USP14: variants seen among roughly 807,000 people sequenced by gnomAD.
The protein encoded by USP14 is ubiquitin specific peptidase 14, also known as ubiquitin carboxyl-terminal hydrolase 14.
USP14 carries 38 observed loss-of-function variants against 76.5 expected under a neutral mutation model. The observed-to-expected ratio is 0.50, with a 90% CI of 0.38 to 0.65. The LOEUF (loss-of-function observed/expected upper bound fraction) is 0.65. Ranked by LOEUF, USP14 falls within the 30% of genes least tolerant of loss-of-function variation. The probability of loss-of-function intolerance (pLI) is 0.00; values close to 1 mark genes in which losing one functional copy is unlikely to be tolerated. For synonymous variants in USP14, 192 were observed against 191.7 expected (o/e 1.00, Z -0.01); for missense variants, 467 against 586.5 (o/e 0.80, Z 2.10).
intron 6 of USP14, among the ~76,000 whole-genome samples, chr18:195,494 G>A (rs1446982079): frequency 6.6e-6 from 1 of 152,178 alleles, no homozygotes; most frequent in Non-Finnish European, 1.5e-5. Flanking sequence ...TGTACATGAA[G>A]GAGGGCAAGG....
rs187764255 is a variant in USP14, at chr18:161,852, A to G, written c.17-1456A>G. Among the ~76,000 whole-genome samples the G allele has an allele frequency of 5.3e-5, 8 of 152,306 alleles. No homozygotes were observed. The East Asian group carries it at 1.3e-3, about 26-fold the overall frequency. ...GTTAGCTATTTTATGAGGCTGATTG[A>G]AATTTTTTATTGTGGTAAAATATAT... On this transcript the variant is annotated intron_variant, in intron 1 of 15. Coordinates refer to ENST00000261601, the MANE Select transcript of USP14 (RefSeq NM_005151.4).
intron 3 of USP14, among the ~76,000 whole-genome samples, chr18:172,914 T>C (rs1909505340): frequency 6.6e-6 from 1 of 152,314 alleles, no homozygotes; most frequent in South Asian, 2.1e-4. Flanking sequence ...AAGGTATCCC[T>C]GTGTTTTAAT....
intron 5 of USP14, among the ~76,000 whole-genome samples, chr18:183,618 A>G (rs1909845635): frequency 6.6e-6 from 1 of 151,990 alleles, no homozygotes; most frequent in South Asian, 2.1e-4. Flanking sequence ...TTACTGATTC[A>G]TACGTCTACT....
intron 2 of USP14, 42 bp downstream of exon 2, chr18:163,495 A>G (rs1297511706): frequency 7.7e-6 from 12 of 1,554,652 alleles, no homozygotes; most frequent in African/African-American, 2.8e-5. Flanking sequence ...CTATTATTGT[A>G]TACTTTTTGA....
chr18:187,120 T>G (rs1265636638), intron 5 of USP14, among the ~76,000 whole-genome samples: 1 of 152,216 alleles, frequency 6.6e-6, no homozygotes, highest in Non-Finnish European at 1.5e-5. Flanking sequence ...TGAACTACTG[T>G]TTACTCGTGA....
intron 10 of USP14, 81 bp downstream of exon 10, chr18:199,397 T>G: frequency 1.0e-6 from 1 of 974,066 alleles, no homozygotes; most frequent in Non-Finnish European, 1.6e-6. Context: ...CACTGGGCTT[T>G]AATGGTCATT....
intron 6 of USP14, 138 bp from the exon 7 acceptor site, chr18:196,499 G>A: frequency 6.6e-6 from 6 of 904,362 alleles, no homozygotes; most frequent in Non-Finnish European, 7.8e-6. Flanking sequence ...ACTCCAGCCT[G>A]GGCAACGGAC....
In USP14 at chr18:188,826, C is replaced by T. The variant is rs76860101; in HGVS notation, c.405-4016C>T. On this transcript the variant is annotated intron_variant, in intron 5 of 15. Coordinates refer to ENST00000261601, the MANE Select transcript of USP14 (RefSeq NM_005151.4). ...CCAAGTAGCTGGGATTACAGGCACC[C>T]GCCACTATGCCCAGCTAATTTTTTG... Among the ~76,000 whole-genome samples, 4,203 of 151,982 alleles carry T rather than the reference C, an allele frequency of 0.028. 359 individuals are homozygous for T. In the East Asian group the frequency reaches 0.32, roughly 11 times the overall value.
intron 1 of USP14, 147 bp from the exon 2 acceptor site, chr18:163,161 C>T (rs1909171115): frequency 1.6e-6 from 1 of 628,418 alleles, no homozygotes. Context: ...TGCATGCATG[C>T]TCCTCTTGAT....
At chr18:205,265 C>T (rs1452980925) in intron 13 of USP14, among the ~76,000 whole-genome samples, 2 of 152,150 alleles carry the variant, frequency 1.3e-5, no homozygotes, top group Non-Finnish European at 2.9e-5. Context: ...TTCCTTCCCC[C>T]TGTAATCTGT....
chr18:172,862 A>G (rs1319265343), intron 3 of USP14, among the ~76,000 whole-genome samples: 2 of 152,078 alleles, frequency 1.3e-5, no homozygotes, highest in Non-Finnish European at 2.9e-5. Flanking sequence ...TTATTGCGAT[A>G]TTTGCTTTCT....
chr18:204,464 C>T, intron 12 of USP14, 100 bp from the exon 13 acceptor site: 1 of 1,060,024 alleles, frequency 9.4e-7, no homozygotes, highest in Non-Finnish European at 1.3e-6. Flanking sequence ...TTATTTTCAA[C>T]TGTATCTGAA....
chr18:179,206 A>T (rs944166989), intron 4 of USP14, among the ~76,000 whole-genome samples, 169 bp downstream of exon 4: 1 of 152,254 alleles, frequency 6.6e-6, no homozygotes, highest in Middle Eastern at 3.4e-3. Context: ...AGCTTAAGGG[A>T]GTCCTTCTGT....
chr18:193,556 A>G (rs141291386), intron 6 of USP14, among the ~76,000 whole-genome samples: 1 of 152,304 alleles, frequency 6.6e-6, no homozygotes, highest in African/African-American at 2.4e-5. Flanking sequence ...GAACATTATC[A>G]TTCCAAAAAG....
intron 3 of USP14, among the ~76,000 whole-genome samples, chr18:174,633 G>A (rs113128272): frequency 2.3e-4 from 33 of 144,104 alleles, no homozygotes; most frequent in African/African-American, 8.5e-4. Context: ...TTTTAAAGAC[G>A]AGGTCTTGCT....
Position 211,232 on chromosome 18 carries a change from T to A in USP14, c.1433T>A (p.Leu478Gln). ...GGAGACTGGCATATCGCTTACGTTC[T>A]ACTCTATGGGCCTCGCAGAGTTGAA... ...GGGDWHIAYV[L>Q]LYGPRRVEIM... is the part of the protein sequence containing the mutation. Residue 478 changes from leucine (L) to glutamine (Q), a missense_variant, in exon 16 of 16, where the codon CTA becomes CAA. Transcript: ENST00000261601. 1 of 1,614,092 alleles carries A rather than the reference T, an allele frequency of 6.2e-7. No homozygotes were observed. Among genetic ancestry groups the A allele is most frequent in the Non-Finnish European group, 8.5e-7 (1 of 1,179,934 alleles).
chr18:169,219 C>T (rs545381265), intron 3 of USP14, among the ~76,000 whole-genome samples: 2 of 151,536 alleles, frequency 1.3e-5, no homozygotes, highest in African/African-American at 4.8e-5. Context: ...GGTGAAACCC[C>T]GTCTCTATTA....
chr18:197,708 A>G lies in USP14; in HGVS notation c.675+12A>G, dbSNP rs369122052. The G allele has an allele frequency of 3.2e-5, 51 of 1,594,386 alleles. No homozygotes were observed. The highest frequency in any genetic ancestry group is 4.1e-5 in the Non-Finnish European group (48 of 1,167,188). On this transcript the variant is annotated intron_variant, in intron 8 of 15. Coordinates refer to ENST00000261601, the MANE Select transcript of USP14 (RefSeq NM_005151.4). ...ATTCTGTTAAAGAGGTAATTGAAAT[A>G]TATTTGTGATTATAGACTTTCGTTA... is the stretch of plus-strand genomic sequence containing the variant.
intron 14 of USP14, 165 bp from the exon 15 acceptor site, chr18:210,221 T>G: frequency 4.4e-6 from 3 of 686,752 alleles, no homozygotes; most frequent in Non-Finnish European, 7.2e-6. Flanking sequence ...AAGTTACTTA[T>G]TAAAACATCA....
Sources: allele counts gnomAD v4.1 joint callset (sites outside exome capture counted in the v4.1 genomes callset), GRCh38; gene constraint gnomAD v4.1.1; transcripts MANE v1.5; gene names NCBI Gene and HGNC (gene_info 2026-07-23, HGNC 2026-07-21).